Variants in RGS7 observed in about 807,000 individuals in gnomAD.
RGS7 encodes regulator of G protein signaling 7.
RGS7 carries 27 observed loss-of-function variants against 81.1 expected under a neutral mutation model. The observed-to-expected ratio is 0.33, with a 90% confidence interval of 0.25 to 0.46. The LOEUF is 0.46. Ranked by LOEUF, RGS7 falls within the 20% of genes least tolerant of loss-of-function variation. The pLI, the probability that RGS7 is intolerant of heterozygous loss-of-function variation, is 1.00. For missense variants in RGS7, 396 were observed against 607.4 expected (o/e 0.65, Z 3.66); for synonymous variants, 208 against 207.7 (o/e 1.00, Z -0.01).
intron 6 of RGS7, among the ~76,000 whole-genome samples, chr1:240,893,380 G>T (rs757988570): frequency 6.6e-6 from 1 of 152,128 alleles, no homozygotes; most frequent in Non-Finnish European, 1.5e-5. Context: ...AAAGCAGCAG[G>T]TGAGTTTTTA....
chr1:241,078,014 G>C (rs2062900969), intron 3 of RGS7, among the ~76,000 whole-genome samples: 2 of 151,668 alleles, frequency 1.3e-5, no homozygotes, highest in Admixed American at 6.6e-5. Context: ...ATTGGAGAGA[G>C]AGAGATATAT....
intron 2 of RGS7, among the ~76,000 whole-genome samples, chr1:241,322,457 T>C (rs2081267228): frequency 6.6e-6 from 1 of 152,226 alleles, no homozygotes; most frequent in Admixed American, 6.5e-5. Context: ...TTTTAGCCAG[T>C]TAATCTCTAA....
At chr1:241,169,509 AT>A (rs1416019305) in intron 2 of RGS7, among the ~76,000 whole-genome samples, 4 of 150,920 alleles carry the variant, frequency 2.7e-5, no homozygotes, top group African/African-American at 9.7e-5. Flanking sequence ...CACCCGGCTA[AT>A]TTTTTTGTAT....
At chr1:240,801,406 A>T (rs1002344619) in intron 17 of RGS7, 49 bp downstream of exon 17, 2 of 1,300,152 alleles carry the variant, frequency 1.5e-6, no homozygotes, top group African/African-American at 1.5e-5. Flanking sequence ...AAATTGGAAA[A>T]ATTTCATTGG....
At chr1:240,925,309 ATTG>A (rs1451755910) in intron 6 of RGS7, among the ~76,000 whole-genome samples, 1 of 151,858 alleles carries the variant, frequency 6.6e-6, no homozygotes, top group African/African-American at 2.4e-5. Context: ...GCCAGCGTCT[ATTG>A]TTCTCATCTT....
At position 240,946,976 on chromosome 1, in the gene RGS7, A is replaced by C. The variant is rs370238704; in HGVS notation, c.227-10270T>G. On this transcript the variant is annotated intron_variant, in intron 4 of 18. Transcript: ENST00000440928. ...ATATATACATGCATTGAAACATCAC[A>C]TCATACCTTATAAATATATACAACT... 1.4e-4 allele frequency among the ~76,000 whole-genome samples: 21 copies of C among 152,364 alleles called. 1 individual carries two copies. Among genetic ancestry groups the C allele is most frequent in the Admixed American group, 4.6e-4 (7 of 15,308 alleles).
intron 6 of RGS7, among the ~76,000 whole-genome samples, chr1:240,911,116 C>T (rs1449956092): frequency 7.2e-5 from 11 of 152,136 alleles, no homozygotes; most frequent in Non-Finnish European, 1.5e-4. Context: ...CTCAATCTCT[C>T]TCCTTTCATT....
chr1:240,779,102 TG>T (rs1683507064), intron 18 of RGS7, among the ~76,000 whole-genome samples: 1 of 11,406 alleles, frequency 8.8e-5, no homozygotes, highest in Non-Finnish European at 3.1e-4. Flanking sequence ...GTGTTCTTTG[TG>T]TGTGTGTGTG....
chr1:241,239,234 TG>T (rs2076151373), intron 2 of RGS7, among the ~76,000 whole-genome samples: 2 of 152,154 alleles, frequency 1.3e-5, no homozygotes, highest in African/African-American at 4.8e-5. Context: ...CACAAAGTGC[TG>T]GGATTACAGG....
chr1:241,146,349 C>G (rs532747000), intron 2 of RGS7, among the ~76,000 whole-genome samples: 1 of 152,314 alleles, frequency 6.6e-6, no homozygotes, highest in African/African-American at 2.4e-5. Flanking sequence ...TGCCCATATA[C>G]ACAATGGCAA....
chr1:240,904,283 G>C (rs769479648), intron 6 of RGS7, among the ~76,000 whole-genome samples: 4 of 152,170 alleles, frequency 2.6e-5, no homozygotes, highest in Non-Finnish European at 4.4e-5. Flanking sequence ...TCCCAGAAAA[G>C]ATCAGGACGG....
intron 2 of RGS7, among the ~76,000 whole-genome samples, chr1:241,172,586 C>T (rs961460624): frequency 2.6e-5 from 4 of 152,104 alleles, no homozygotes; most frequent in African/African-American, 9.7e-5. Flanking sequence ...AAAGAATTGT[C>T]CAGGCTTTGA....
At chr1:241,307,945 G>A (rs545493205) in intron 2 of RGS7, among the ~76,000 whole-genome samples, 2 of 152,090 alleles carry the variant, frequency 1.3e-5, no homozygotes, top group African/African-American at 2.4e-5. Context: ...TGAGGATTTC[G>A]GTCATGTGTT....
intron 2 of RGS7, among the ~76,000 whole-genome samples, chr1:241,124,762 T>C (rs984010235): frequency 2.0e-5 from 3 of 152,070 alleles, no homozygotes; most frequent in African/African-American, 7.2e-5. Flanking sequence ...GCTGAGCCAA[T>C]TGTGTGGACA....
intron 18 of RGS7, among the ~76,000 whole-genome samples, chr1:240,789,784 G>T (rs989362922): frequency 1.3e-5 from 2 of 152,106 alleles, no homozygotes; most frequent in Admixed American, 6.6e-5. Flanking sequence ...ATTTCACCCC[G>T]GTCCTGTGGT....
chr1:240,826,995 G>A lies in RGS7; in HGVS notation c.684+103C>T, dbSNP rs186496354. On this transcript the variant is annotated intron_variant, in intron 10 of 18. Coordinates refer to ENST00000440928, the MANE Select transcript of RGS7 (RefSeq NM_001364886.1). ...AGGGCTGTGGAAGGCTGGGAAGAGT[G>A]GGAAAGATACTGCATGACATGAGAA... 2.9e-5 allele frequency: 28 copies of A among 953,810 alleles called. No individual in the cohort carries two copies. In the African/African-American group the frequency reaches 3.9e-4, roughly 13 times the overall value. The allele number at this position is 953,810 out of a possible 1,614,324, so 59.1% of individuals were successfully genotyped here. A position where few individuals can be genotyped will look rare whatever the true frequency, so the allele number is the denominator to read the frequency against.
At chr1:241,339,835 G>A (rs2082438146) in intron 2 of RGS7, among the ~76,000 whole-genome samples, 1 of 152,056 alleles carries the variant, frequency 6.6e-6, no homozygotes, top group South Asian at 2.1e-4. Context: ...TAGGAGCCTG[G>A]GAGCTATAAT....
At chr1:241,147,780 TTATATATATATATATATATATA>T (rs200770896) in intron 2 of RGS7, among the ~76,000 whole-genome samples, 3 of 44,604 alleles carry the variant, frequency 6.7e-5, no homozygotes, top group Non-Finnish European at 1.4e-4. Context: ...AGATTAAGTT[TTATATATATATATATATATATA>T]TATATATATA....
chr1:240,876,275 G>C (rs1665399213), intron 6 of RGS7, among the ~76,000 whole-genome samples: 1 of 152,126 alleles, frequency 6.6e-6, no homozygotes, highest in African/African-American at 2.4e-5. Flanking sequence ...CTTATCAGGA[G>C]TGAGATAAGG....
Sources: allele counts gnomAD v4.1 joint callset (sites outside exome capture counted in the v4.1 genomes callset), GRCh38; gene constraint gnomAD v4.1.1; transcripts MANE v1.5; gene names NCBI Gene and HGNC (gene_info 2026-07-23, HGNC 2026-07-21).